Variants in XKR4 observed in about 807,000 individuals in gnomAD.
XKR4 encodes the protein XK-related protein 4.
In XKR4, 12 loss-of-function variants were observed where a neutral mutation model predicts 53.9. The ratio of observed to expected loss-of-function variants is 0.22; its 90% CI spans 0.14 to 0.36. The LOEUF is 0.36. XKR4 is among the 10% of genes least tolerant of loss of function. The pLI is 1.00. For missense variants in XKR4, 799 were observed against 859.5 expected (o/e 0.93, Z 0.88); for synonymous variants, 354 against 362.4 (o/e 0.98, Z 0.26).
chr8:55,102,652 G>C lies in XKR4; in HGVS notation c.164G>C (p.Cys55Ser). The C allele has an allele frequency of 6.2e-6, 8 of 1,298,418 alleles. No individual in the cohort carries two copies. Among genetic ancestry groups the C allele is most frequent in the Non-Finnish European group, 7.9e-6 (8 of 1,013,000 alleles). 80.4% of individuals were successfully genotyped at this position (1,298,418 alleles called of 1,614,324 possible). A position where few individuals can be genotyped will look rare whatever the true frequency, so the allele number is the denominator to read the frequency against. ...EDEEAAGGGC[C>S]PDGGGCSRCC... ...GAGGAGGCGGCCGGGGGCGGCTGCTGCCCGGACGGCGGCGGCTGCTCGCGC... is the reference window on the plus strand; with the variant it reads ...GAGGAGGCGGCCGGGGGCGGCTGCTCCCCGGACGGCGGCGGCTGCTCGCGC... The change falls in exon 1 of 3, where the codon TGC becomes TCC. Residue 55 changes from cysteine (C) to serine (S), a missense_variant. Cys to Ser is a moderately radical substitution (Grantham distance 112). Around this residue, in one of 3 missense-constraint regions of XKR4, gnomAD observed 476 missense variants for 505.4 expected, o/e 0.94. Coordinates refer to ENST00000327381, the MANE Select transcript of XKR4 (RefSeq NM_052898.2). The surrounding 1 kb of genome is among the most constrained non-coding windows in gnomAD (Gnocchi z 5.1).
intron 1 of XKR4, among the ~76,000 whole-genome samples, chr8:55,156,640 T>C (rs1239368426): frequency 1.3e-5 from 2 of 152,196 alleles, no homozygotes; most frequent in Non-Finnish European, 2.9e-5. Flanking sequence ...TAGAAAAGAA[T>C]GGAGTGTGGG....
chr8:55,408,869 T>C (rs1804732993), intron 2 of XKR4, among the ~76,000 whole-genome samples: 2 of 151,918 alleles, frequency 1.3e-5, no homozygotes, highest in South Asian at 4.2e-4. Context: ...TAGCAGGGCA[T>C]GGTGGCGTGC....
In XKR4 at chr8:55,328,614, T is replaced by C. The variant is rs533369930; in HGVS notation, c.807-29064T>C. The stretch of plus-strand genomic sequence containing the variant: ...CAATCTCCTCAGAGTAGCAATTAGA[T>C]GGGTTCACATTGCACAGAGAGCAGA... On this transcript the variant is annotated intron_variant, in intron 1 of 2. Transcript: ENST00000327381. 7.2e-5 allele frequency among the ~76,000 whole-genome samples: 11 copies of C among 152,326 alleles called. No individual in the cohort carries two copies. In the East Asian group the frequency reaches 1.9e-3, roughly 27 times the overall value.
chr8:55,338,053 G>A (rs776891930), intron 1 of XKR4, among the ~76,000 whole-genome samples: 26 of 152,120 alleles, frequency 1.7e-4, no homozygotes, highest in African/African-American at 4.3e-4. Flanking sequence ...TGCCCTGTAC[G>A]ACAAAGCTAA....
intron 2 of XKR4, among the ~76,000 whole-genome samples, chr8:55,378,584 T>C (rs1040093024): frequency 6.6e-6 from 1 of 152,214 alleles, no homozygotes; most frequent in Admixed American, 6.5e-5. Context: ...AGAAGTTTCA[T>C]AGACATTGGT....
Position 55,407,563 on chromosome 8 carries a change from G to A in XKR4, c.1006+49686G>A, listed in dbSNP as rs79136272. On this transcript the variant is annotated intron_variant, in intron 2 of 2. Coordinates refer to ENST00000327381, the MANE Select transcript of XKR4 (RefSeq NM_052898.2). ...CATGCAGTGAGCAGAGCTGGCCCTC[G>A]GGTCAGATGCCCCGGGCTCAACATC... is the stretch of plus-strand genomic sequence containing the variant. Among the ~76,000 whole-genome samples the A allele has an allele frequency of 2.4e-4, 36 of 152,312 alleles. No individual in the cohort carries two copies. The East Asian group carries it at 3.9e-3, about 16-fold the overall frequency.
At position 55,102,648 on chromosome 8, in the gene XKR4, T is replaced by A; in HGVS notation, c.160T>A (p.Cys54Ser). ...AEDEEAAGGG[C>S]CPDGGGCSRC... Reference sequence around the variant, plus strand: ...GGACGAGGAGGCGGCCGGGGGCGGCTGCTGCCCGGACGGCGGCGGCTGCTC... The same window carrying A: ...GGACGAGGAGGCGGCCGGGGGCGGCAGCTGCCCGGACGGCGGCGGCTGCTC... The change falls in exon 1 of 3, where the codon TGC (cysteine) becomes AGC (serine). Residue 54 changes from cysteine to serine, a missense_variant. This residue lies in a region of XKR4 where 476 missense variants were observed against 505.4 expected (regional missense o/e 0.94). Coordinates refer to ENST00000327381, the MANE Select transcript of XKR4 (RefSeq NM_052898.2). This position sits in a 1 kb window ranked among gnomAD's most constrained non-coding sequence, Gnocchi z 5.1. 1 of 1,323,396 alleles carries A rather than the reference T, an allele frequency of 7.6e-7. No homozygotes were observed. Among genetic ancestry groups the A allele is most frequent in the South Asian group, 2.3e-5 (1 of 42,730 alleles). 82.0% of individuals were successfully genotyped at this position (1,323,396 alleles called of 1,614,324 possible). A position where few individuals can be genotyped will look rare whatever the true frequency, so the allele number is the denominator to read the frequency against.
rs1432378498 is a variant in XKR4, at chr8:55,264,704, G to A, written c.807-92974G>A. ...CTTAAGGCAGAAACCCTCACACAAAGCAATTAATTAGCATGCAGAATAGAA... is the reference window on the plus strand; with the variant it reads ...CTTAAGGCAGAAACCCTCACACAAAACAATTAATTAGCATGCAGAATAGAA... On this transcript the variant is annotated intron_variant, in intron 1 of 2. Transcript: ENST00000327381. Among the ~76,000 whole-genome samples the A allele has an allele frequency of 2.6e-5, 4 of 152,146 alleles. 1 individual carries two copies. The highest frequency in any genetic ancestry group is 4.8e-5 in the African/African-American group (2 of 41,434).
At chr8:55,260,469 C>G (rs573049314) in intron 1 of XKR4, among the ~76,000 whole-genome samples, 2 of 152,102 alleles carry the variant, frequency 1.3e-5, no homozygotes, top group Non-Finnish European at 2.9e-5. Context: ...TGTAAATATC[C>G]GAGGTTCGTT....
At chr8:55,431,381 T>C (rs142961774) in intron 2 of XKR4, among the ~76,000 whole-genome samples, 1 of 152,192 alleles carries the variant, frequency 6.6e-6, no homozygotes, top group Admixed American at 6.5e-5. Context: ...TTATTTCACA[T>C]TAAAGGGAAT....
chr8:55,207,062 C>T (rs1283160611), intron 1 of XKR4, among the ~76,000 whole-genome samples: 1 of 152,256 alleles, frequency 6.6e-6, no homozygotes, highest in Non-Finnish European at 1.5e-5. Flanking sequence ...AAATTTCACT[C>T]TCCCCAAATT....
At chr8:55,317,070 A>C (rs939815873) in intron 1 of XKR4, among the ~76,000 whole-genome samples, 3 of 152,206 alleles carry the variant, frequency 2.0e-5, no homozygotes, top group African/African-American at 7.2e-5. Flanking sequence ...CCTCTAAAAT[A>C]AGAATTGTTT....
intron 1 of XKR4, among the ~76,000 whole-genome samples, chr8:55,181,007 A>G (rs1047100380): frequency 1.3e-5 from 2 of 152,240 alleles, no homozygotes; most frequent in African/African-American, 4.8e-5. Flanking sequence ...AAATTGATTG[A>G]GGAATCCATT....
Position 55,336,160 on chromosome 8 carries a change from C to T in XKR4, c.807-21518C>T, listed in dbSNP as rs555276679. Among the ~76,000 whole-genome samples the T allele has an allele frequency of 5.3e-5, 8 of 151,776 alleles. No homozygotes were observed. In the South Asian group the frequency reaches 6.3e-4, roughly 12 times the overall value. On this transcript the variant is annotated intron_variant, in intron 1 of 2. Transcript: ENST00000327381. ...TGTAACTCCCACAATTCCCATGTGT[C>T]GTGGGAGGAACCTGGTGAGAGGTGA...
At chr8:55,138,165 C>CT (rs145823225) in intron 1 of XKR4, among the ~76,000 whole-genome samples, 77 of 151,000 alleles carry the variant, frequency 5.1e-4, no homozygotes, top group Non-Finnish European at 7.2e-4. Flanking sequence ...CAGAGGGTTC[C>CT]TTTTTTTTTG....
At chr8:55,411,208 C>T (rs1278781765) in intron 2 of XKR4, among the ~76,000 whole-genome samples, 1 of 152,216 alleles carries the variant, frequency 6.6e-6, no homozygotes, top group African/African-American at 2.4e-5. Flanking sequence ...AAGTCTACCA[C>T]TAATGAGCCC....
intron 2 of XKR4, chr8:55,455,178 CG>C (rs1258618675): frequency 2.0e-6 from 1 of 510,552 alleles, no homozygotes; most frequent in Non-Finnish European, 3.7e-6. Context: ...CTCGGGGACT[CG>C]AGGGCTGCGC....
At chr8:55,373,016 C>A (rs1396246657) in intron 2 of XKR4, among the ~76,000 whole-genome samples, 2 of 152,126 alleles carry the variant, frequency 1.3e-5, no homozygotes, top group African/African-American at 4.8e-5. Context: ...TCACAATGAG[C>A]CCTGATTGCA....
intron 1 of XKR4, among the ~76,000 whole-genome samples, chr8:55,177,911 G>A (rs572770655): frequency 3.9e-5 from 6 of 152,238 alleles, no homozygotes; most frequent in African/African-American, 1.4e-4. Flanking sequence ...CCAGAGCTGT[G>A]TAGGCAGCCA....
Sources: allele counts gnomAD v4.1 joint callset (sites outside exome capture counted in the v4.1 genomes callset), GRCh38; gene constraint gnomAD v4.1.1; regional missense constraint gnomAD v4.1.1; non-coding constraint Gnocchi (gnomAD v3.1); transcripts MANE v1.5; gene names NCBI Gene and HGNC (gene_info 2026-07-23, HGNC 2026-07-21).